Variants in CYSLTR2 observed in about 807,000 individuals in gnomAD.
The protein encoded by CYSLTR2 is G-protein coupled receptor GPCR21.
For synonymous variants in CYSLTR2, 179 were observed against 160.8 expected, an observed-to-expected ratio of 1.11 and a Z score of -0.86; for missense variants, 398 against 411.9, an observed-to-expected ratio of 0.97 and a Z score of 0.29.
chr13:48,705,342 G>A (rs577860029), intron 4 of CYSLTR2, among the ~76,000 whole-genome samples: 2 of 151,814 alleles, frequency 1.3e-5, no homozygotes, highest in Admixed American at 6.5e-5. Context: ...TACATAATTC[G>A]GTCATTTAAA....
chr13:48,681,924 A>G (rs1395949886), intron 1 of CYSLTR2, among the ~76,000 whole-genome samples: 2 of 152,166 alleles, frequency 1.3e-5, no homozygotes, highest in Non-Finnish European at 2.9e-5. Flanking sequence ...TTTCCCTAAG[A>G]TTCTAACAGA....
rs199695619 is a variant in CYSLTR2 at position 48,707,424 on chromosome 13, T to A, written c.607T>A (p.Tyr203Asn). The change falls in exon 5 of 5, where the codon TAT becomes AAT. Residue 203 changes from tyrosine (Y) to asparagine (N), a missense_variant. By Grantham distance (143) the Tyr-to-Asn change is moderately radical. Coordinates refer to ENST00000682523, the MANE Select transcript of CYSLTR2 (RefSeq NM_001308476.3). The part of the protein sequence containing the change: ...YKIAKLQTMN[Y>N]IALVVGCLLP... ...AATTGCTAAGCTGCAGACCATGAAC[T>A]ATATTGCCTTGGTGGTGGGCTGCCT... is the stretch of plus-strand genomic sequence containing the variant. 2 of 1,614,146 alleles carry A rather than the reference T, an allele frequency of 1.2e-6. No individual in the cohort carries two copies. The highest frequency in any genetic ancestry group is 1.7e-6 in the Non-Finnish European group (2 of 1,180,040).
At chr13:48,695,067 C>CTTTTTTTTTTTT (rs1278951741) in intron 3 of CYSLTR2, among the ~76,000 whole-genome samples, 4 of 83,690 alleles carry the variant, frequency 4.8e-5, no homozygotes, top group Non-Finnish European at 7.8e-5. Flanking sequence ...CAGAACCTGG[C>CTTTTTTTTTTTT]ATTTTTTTTT....
intron 1 of CYSLTR2, among the ~76,000 whole-genome samples, chr13:48,660,848 G>A (rs567360874): frequency 2.0e-5 from 3 of 152,262 alleles, no homozygotes; most frequent in South Asian, 4.1e-4. Context: ...CTGTTCTGGA[G>A]GGCCGTGTTA....
At chr13:48,673,433 C>CTTTTTTTTTTTT (rs61699943) in intron 1 of CYSLTR2, among the ~76,000 whole-genome samples, 85 of 48,332 alleles carry the variant, frequency 1.8e-3, no homozygotes, top group South Asian at 2.7e-3. Context: ...GTAACCCCGG[C>CTTTTTTTTTTTT]TTTTTTTTTT....
intron 1 of CYSLTR2, among the ~76,000 whole-genome samples, chr13:48,659,440 C>T (rs1164344913): frequency 6.6e-6 from 1 of 152,152 alleles, no homozygotes; most frequent in East Asian, 1.9e-4. Flanking sequence ...ATCGCAATGT[C>T]TCTATGTCAT....
At chr13:48,684,848 A>G (rs1344008698) in intron 1 of CYSLTR2, among the ~76,000 whole-genome samples, 1 of 152,196 alleles carries the variant, frequency 6.6e-6, no homozygotes, top group East Asian at 1.9e-4. Context: ...AAGACACAGA[A>G]ACACAGAGAA....
chr13:48,680,932 G>A (rs1468095557), intron 1 of CYSLTR2, among the ~76,000 whole-genome samples: 1 of 151,644 alleles, frequency 6.6e-6, no homozygotes, highest in Non-Finnish European at 1.5e-5. Context: ...GAACTAAATG[G>A]AATTTTGAAT....
intron 1 of CYSLTR2, among the ~76,000 whole-genome samples, chr13:48,688,017 G>A (rs553403370): frequency 6.6e-6 from 1 of 152,310 alleles, no homozygotes; most frequent in African/African-American, 2.4e-5. Flanking sequence ...AAGCAGGCTG[G>A]AGTGTCTCTG....
chr13:48,705,285 A>G (rs899522050), intron 4 of CYSLTR2, among the ~76,000 whole-genome samples: 1 of 152,046 alleles, frequency 6.6e-6, no homozygotes, highest in Non-Finnish European at 1.5e-5. Flanking sequence ...CCATCCTTTT[A>G]CTTTCAACCA....
At chr13:48,703,462 A>G (rs1229275006) in intron 4 of CYSLTR2, among the ~76,000 whole-genome samples, 1 of 152,142 alleles carries the variant, frequency 6.6e-6, no homozygotes, top group Non-Finnish European at 1.5e-5. Flanking sequence ...TTTTTTGTAT[A>G]TGCTCTTTAT....
chr13:48,667,139 T>A (rs1416518576), intron 1 of CYSLTR2, among the ~76,000 whole-genome samples: 1 of 152,188 alleles, frequency 6.6e-6, no homozygotes, highest in African/African-American at 2.4e-5. Flanking sequence ...CATTTTAGTG[T>A]AGTCTTCATG....
At chr13:48,688,463 T>G (rs556410445) in intron 1 of CYSLTR2, among the ~76,000 whole-genome samples, 1 of 152,344 alleles carries the variant, frequency 6.6e-6, no homozygotes, top group East Asian at 1.9e-4. Flanking sequence ...TGTGTCCGTG[T>G]GTTCTCATTA....
intron 1 of CYSLTR2, among the ~76,000 whole-genome samples, chr13:48,675,370 G>A (rs911227414): frequency 6.6e-6 from 1 of 152,148 alleles, no homozygotes; most frequent in Non-Finnish European, 1.5e-5. Flanking sequence ...AGGCAGTCTG[G>A]CTATAGCAAC....
At chr13:48,699,931 A>G (rs989759403) in intron 4 of CYSLTR2, among the ~76,000 whole-genome samples, 1 of 152,234 alleles carries the variant, frequency 6.6e-6, no homozygotes, top group Non-Finnish European at 1.5e-5. Context: ...GAAATGGATA[A>G]ATTCCTGGAC....
At chr13:48,690,419 TTA>T (rs1375353040) in intron 1 of CYSLTR2, among the ~76,000 whole-genome samples, 1 of 152,100 alleles carries the variant, frequency 6.6e-6, no homozygotes, top group Admixed American at 6.6e-5. Context: ...TATTTTGAGA[TTA>T]TGTTTCATCA....
intron 1 of CYSLTR2, among the ~76,000 whole-genome samples, chr13:48,664,762 C>G (rs937139385): frequency 9.3e-5 from 14 of 151,260 alleles, no homozygotes; most frequent in Non-Finnish European, 1.3e-4. Flanking sequence ...TTTTGTTTAC[C>G]TTTTCAAAAA....
intron 1 of CYSLTR2, among the ~76,000 whole-genome samples, chr13:48,672,619 T>TTCTTTTC (rs781414350): frequency 1.5e-5 from 1 of 68,958 alleles, no homozygotes; most frequent in Non-Finnish European, 2.3e-5. Flanking sequence ...TTCTTTTCTT[T>TTCTTTTC]TTTTTTTTTT....
At chr13:48,663,562 A>G (rs1953183162) in intron 1 of CYSLTR2, among the ~76,000 whole-genome samples, 1 of 151,962 alleles carries the variant, frequency 6.6e-6, no homozygotes, top group Admixed American at 6.6e-5. Flanking sequence ...CTCCTTGGTT[A>G]CATTTCTTCC....
Sources: gnomAD v4.1 joint callset for allele counts (sites outside exome capture counted in the v4.1 genomes callset) on GRCh38, gnomAD v4.1.1 for gene constraint, MANE v1.5 for transcripts, NCBI Gene and HGNC (gene_info 2026-07-23, HGNC 2026-07-21) for gene names.